Variants in DMD observed in about 807,000 individuals in gnomAD.
The protein encoded by DMD is dystrophin, also known as mutant dystrophin.
DMD carries 63 observed loss-of-function variants against 330.1 expected under a neutral mutation model. The ratio of observed to expected loss-of-function variants is 0.19; its 90% confidence interval spans 0.16 to 0.24. The LOEUF (loss-of-function observed/expected upper bound fraction) is 0.24, where lower values mean the gene tolerates loss of function less well. DMD is among the 10% of genes least tolerant of loss of function. The pLI, the probability that DMD is intolerant of heterozygous loss-of-function variation, is 1.00. For missense variants in DMD, 3,344 were observed against 2,684.1 expected, an observed-to-expected ratio of 1.25 and a Z score of -5.43; for synonymous variants, 1,223 against 959.8, an observed-to-expected ratio of 1.27 and a Z score of -5.07.
Position 32,302,645 on chromosome X carries a change from A to T in DMD, c.6117+7437T>A, listed in dbSNP as rs748643017. ...TTTATAATGTTTAACACATTCTTAA[A>T]GGTAATTTGTTTTTAGGATACTTTA... is the stretch of plus-strand genomic sequence containing the variant. On this transcript the variant is annotated intron_variant, in intron 42 of 78. Transcript: ENST00000357033. Among the ~76,000 whole-genome samples the T allele has an allele frequency of 2.7e-5, 3 of 111,734 alleles. No individual in the cohort carries two copies. The East Asian group carries it at 8.4e-4, about 31-fold the overall frequency.
intron 1 of DMD, among the ~76,000 whole-genome samples, chrX:33,199,776 C>A (rs1303111077): frequency 2.7e-5 from 3 of 110,975 alleles, no homozygotes; most frequent in African/African-American, 9.8e-5. Flanking sequence ...ATACAAACAC[C>A]CTCCAAAGTA....
rs188816305 is a variant in DMD at position 31,393,992 on chromosome X, A to C, written c.9085-45358T>G. 8.0e-5 allele frequency among the ~76,000 whole-genome samples: 9 copies of C among 112,555 alleles called. No homozygotes were observed. In the East Asian group the frequency reaches 2.5e-3, roughly 31 times the overall value. On this transcript the variant is annotated intron_variant, in intron 60 of 78. Coordinates refer to ENST00000357033, the MANE Select transcript of DMD (RefSeq NM_004006.3). Reference sequence around the variant, plus strand: ...TACTATCAACATTTTGTATATGAGGAAACTGAAGTCTTAAGATAAATCTAG... The same window carrying C: ...TACTATCAACATTTTGTATATGAGGCAACTGAAGTCTTAAGATAAATCTAG...
At chrX:31,506,211 A>T (rs766631281) in intron 56 of DMD, among the ~76,000 whole-genome samples, 44 of 111,398 alleles carry the variant, frequency 3.9e-4, no homozygotes, top group African/African-American at 1.4e-3. Context: ...AAAAATGCAG[A>T]TTTTCCTCCT....
At chrX:32,263,318 G>C (rs188064011) in intron 43 of DMD, among the ~76,000 whole-genome samples, 1 of 112,003 alleles carries the variant, frequency 8.9e-6, no homozygotes, top group Non-Finnish European at 1.9e-5. Context: ...TTTGCAGACT[G>C]TCAACTATTG....
At chrX:32,314,198 T>A (rs1306979177) in intron 41 of DMD, among the ~76,000 whole-genome samples, 1 of 111,357 alleles carries the variant, frequency 9.0e-6, no homozygotes, top group African/African-American at 3.3e-5. Context: ...GCAAAACAGA[T>A]ATATAGACCA....
At chrX:31,720,575 A>C (rs1412326494) in intron 52 of DMD, among the ~76,000 whole-genome samples, 1 of 111,844 alleles carries the variant, frequency 8.9e-6, no homozygotes, top group Non-Finnish European at 1.9e-5. Flanking sequence ...CTGAGTATAA[A>C]ATTCTTTAAT....
chrX:32,128,276 C>G (rs2096671571), intron 44 of DMD, among the ~76,000 whole-genome samples: 1 of 111,821 alleles, frequency 8.9e-6, no homozygotes, highest in Non-Finnish European at 1.9e-5. Context: ...CAGTGGAAGA[C>G]TTCCTCAGAA....
At chrX:31,554,847 C>A (rs763368956) in intron 55 of DMD, among the ~76,000 whole-genome samples, 1 of 111,609 alleles carries the variant, frequency 9.0e-6, no homozygotes, top group South Asian at 3.8e-4. Flanking sequence ...TACCATATGG[C>A]AAAGGGTAAG....
chrX:32,526,423 AT>A (rs1186949869), intron 17 of DMD, among the ~76,000 whole-genome samples: 52 of 106,700 alleles, frequency 4.9e-4, no homozygotes, highest in African/African-American at 7.4e-4. Context: ...TAAGTCTTTG[AT>A]TTTTTTTTTT....
At chrX:32,523,464 T>C (rs1200236908) in intron 17 of DMD, among the ~76,000 whole-genome samples, 7 of 112,435 alleles carry the variant, frequency 6.2e-5, no homozygotes, top group Admixed American at 2.8e-4. Context: ...CATACTTTTG[T>C]TTGATAGTAG....
chrX:32,655,156 T>C (rs1301396542), intron 9 of DMD, among the ~76,000 whole-genome samples: 1 of 111,869 alleles, frequency 8.9e-6, no homozygotes, highest in Admixed American at 9.5e-5. Flanking sequence ...GCTCTGATCT[T>C]AGTTATTTCT....
chrX:32,546,745 C>G (rs1356886576), intron 16 of DMD, among the ~76,000 whole-genome samples: 1 of 110,136 alleles, frequency 9.1e-6, no homozygotes, highest in Admixed American at 9.8e-5. Context: ...CTAGGATCTC[C>G]ATAGATTCAT....
At chrX:31,912,879 G>A (rs1323753307) in intron 47 of DMD, among the ~76,000 whole-genome samples, 1 of 112,688 alleles carries the variant, frequency 8.9e-6, no homozygotes, top group Non-Finnish European at 1.9e-5. Flanking sequence ...TTGGCCAATG[G>A]GATAGTAGCA....
At chrX:32,250,593 C>T (rs1428460681) in intron 43 of DMD, among the ~76,000 whole-genome samples, 1 of 111,991 alleles carries the variant, frequency 8.9e-6, no homozygotes, top group Non-Finnish European at 1.9e-5. Context: ...CCAGTGTTTT[C>T]ACTCTGGACA....
chrX:31,427,633 C>T (rs1185565531), intron 60 of DMD, among the ~76,000 whole-genome samples: 1 of 111,947 alleles, frequency 8.9e-6, no homozygotes. Context: ...AAGTAGGAGG[C>T]TAATGAAAAA....
chrX:31,219,093 C>A (rs990527810), intron 64 of DMD, among the ~76,000 whole-genome samples: 2 of 111,697 alleles, frequency 1.8e-5, no homozygotes, highest in Non-Finnish European at 3.8e-5. Flanking sequence ...AACTTCTTGA[C>A]CTTCAGTTCC....
chrX:33,046,267 A>C (rs1312234297), intron 1 of DMD, among the ~76,000 whole-genome samples: 1 of 100,036 alleles, frequency 1.0e-5, no homozygotes, highest in Admixed American at 1.1e-4. Context: ...TAAAAGAGGA[A>C]CCAAAATAGA....
At chrX:32,132,993 C>CTTTTTTTTTTTTTTTTTTTTTTTTTTTTT (rs377615262) in intron 44 of DMD, among the ~76,000 whole-genome samples, 15 of 75,969 alleles carry the variant, frequency 2.0e-4, no homozygotes, top group Admixed American at 1.5e-3. Flanking sequence ...CTTTTCTTTT[C>CTTTTTTTTTTTTTTTTTTTTTTTTTTTTT]TTTTTTTTTT....
At chrX:33,168,280 A>G (rs916680324) in intron 1 of DMD, among the ~76,000 whole-genome samples, 6 of 111,229 alleles carry the variant, frequency 5.4e-5, no homozygotes, top group African/African-American at 1.6e-4. Context: ...TTGAACAAAA[A>G]ATAACTTTAT....
Sources: gnomAD v4.1 joint callset for allele counts (sites outside exome capture counted in the v4.1 genomes callset) on GRCh38, gnomAD v4.1.1 for gene constraint, MANE v1.5 for transcripts, NCBI Gene and HGNC (gene_info 2026-07-23, HGNC 2026-07-21) for gene names.